The following TBC1D22A variants were observed in gnomAD, a reference collection of about 807,000 sequenced individuals.
TBC1D22A encodes the protein TBC1 domain family member 22A, also known as putative GTPase activator.
Under a neutral mutation model 60.2 loss-of-function variants are expected in TBC1D22A, and 38 were observed. That is an observed-to-expected ratio of 0.63 (90% CI 0.49 to 0.83). The LOEUF (loss-of-function observed/expected upper bound fraction) is 0.83, where lower values mean the gene tolerates loss of function less well. Among genes scored for constraint, TBC1D22A ranks in the 40% least tolerant of loss-of-function variants. The pLI is 0.00. For missense variants in TBC1D22A, 628 were observed against 701.0 expected (o/e 0.90, Z 1.18); for synonymous variants, 302 against 281.7 (o/e 1.07, Z -0.72).
intron 2 of TBC1D22A, among the ~76,000 whole-genome samples, chr22:46,793,264 C>A (rs955988876): frequency 6.6e-6 from 1 of 152,200 alleles, no homozygotes; most frequent in African/African-American, 2.4e-5. Flanking sequence ...TGTGGCCCTG[C>A]GCCTCCTCCC....
At chr22:46,764,129 T>C (rs2083204714) in intron 1 of TBC1D22A, 1 of 151,808 alleles carries the variant, frequency 6.6e-6, no homozygotes, top group African/African-American at 2.4e-5. Context: ...TTAAGAGTGA[T>C]CTGGGGGTTA....
In TBC1D22A at chr22:47,102,351, C is replaced by T. The variant is rs145918317; in HGVS notation, c.1330-9157C>T. On this transcript the variant is annotated intron_variant, in intron 11 of 12. Transcript: ENST00000337137. ...GGCTTCTCCACGCCACAGCCTCCTC[C>T]TGCTTGACCCACCCCAGGCGTGTGC... Among the ~76,000 whole-genome samples, 968 of 152,280 alleles carry T rather than the reference C, an allele frequency of 6.4e-3. 12 individuals carry two copies. Among genetic ancestry groups the T allele is most frequent in the African/African-American group, 0.022 (935 of 41,556 alleles).
chr22:47,089,661 T>C (rs1417701090), intron 11 of TBC1D22A, among the ~76,000 whole-genome samples: 2 of 152,224 alleles, frequency 1.3e-5, no homozygotes. Context: ...TTTGACTGTC[T>C]TAAAGATCCT....
chr22:47,098,880 G>C, intron 11 of TBC1D22A, among the ~76,000 whole-genome samples: 1 of 152,240 alleles, frequency 6.6e-6, no homozygotes, highest in East Asian at 1.9e-4. Flanking sequence ...CCTCCTGTGA[G>C]GACAGGAGCC....
chr22:46,795,750 G>A (rs2084624746), intron 3 of TBC1D22A, among the ~76,000 whole-genome samples: 1 of 152,228 alleles, frequency 6.6e-6, no homozygotes, highest in Admixed American at 6.5e-5. Context: ...ACTAGGACAT[G>A]GACTTATGGG....
intron 7 of TBC1D22A, among the ~76,000 whole-genome samples, chr22:46,904,133 A>ATCTG (rs2069236703): frequency 1.4e-5 from 1 of 73,510 alleles, no homozygotes; most frequent in Non-Finnish European, 3.0e-5. Context: ...CTATCTATCT[A>ATCTG]TCTATCTATC....
At chr22:46,896,202 C>G (rs1185259465) in intron 7 of TBC1D22A, among the ~76,000 whole-genome samples, 1 of 152,120 alleles carries the variant, frequency 6.6e-6, no homozygotes, top group Non-Finnish European at 1.5e-5. Context: ...GCCCATTTTT[C>G]TTTTGGTTTG....
intron 10 of TBC1D22A, among the ~76,000 whole-genome samples, chr22:46,998,061 C>T (rs1440248554): frequency 2.6e-5 from 4 of 152,082 alleles, no homozygotes; most frequent in Non-Finnish European, 4.4e-5. Flanking sequence ...CATCATTTTT[C>T]TATCAAGGAT....
chr22:46,995,513 T>TTATG (rs1555989107), intron 9 of TBC1D22A, among the ~76,000 whole-genome samples: 3 of 151,096 alleles, frequency 2.0e-5, no homozygotes, highest in African/African-American at 7.3e-5. Context: ...TGCACGCACT[T>TTATG]TGTGTGTGTG....
At chr22:46,918,486 C>T (rs2070528980) in intron 8 of TBC1D22A, among the ~76,000 whole-genome samples, 1 of 152,058 alleles carries the variant, frequency 6.6e-6, no homozygotes, top group African/African-American at 2.4e-5. Flanking sequence ...CCAGTGTGTG[C>T]CCCGGGGAGA....
intron 9 of TBC1D22A, among the ~76,000 whole-genome samples, chr22:46,994,363 G>A (rs952738326): frequency 8.3e-6 from 1 of 121,168 alleles, no homozygotes; most frequent in Non-Finnish European, 1.7e-5. Context: ...ACCTGCTGTG[G>A]AGCCTCTTGA....
intron 4 of TBC1D22A, among the ~76,000 whole-genome samples, chr22:46,869,904 A>G (rs187781329): frequency 3.3e-5 from 5 of 152,356 alleles, no homozygotes; most frequent in African/African-American, 4.8e-5. Context: ...AGTTCTTTGC[A>G]TACACCACTT....
At chr22:46,847,988 C>T (rs771689557) in intron 4 of TBC1D22A, among the ~76,000 whole-genome samples, 5 of 151,332 alleles carry the variant, frequency 3.3e-5, no homozygotes, top group East Asian at 2.0e-4. Context: ...AGTAAATACC[C>T]GGAGGGAAGA....
At chr22:46,891,136 G>T in intron 5 of TBC1D22A, 130 bp from the exon 6 acceptor site, 2 of 1,016,116 alleles carry the variant, frequency 2.0e-6, no homozygotes, top group South Asian at 2.0e-5. Flanking sequence ...CACAATTTGT[G>T]CTCCTCTCTG....
At chr22:47,039,704 G>GAAAAAAAAAAA (rs34793078) in intron 11 of TBC1D22A, among the ~76,000 whole-genome samples, 1 of 81,456 alleles carries the variant, frequency 1.2e-5, no homozygotes, top group Non-Finnish European at 2.2e-5. Context: ...TGCATTTCAG[G>GAAAAAAAAAAA]AAAAAAAAAA....
chr22:47,051,704 C>T (rs1016515344), intron 11 of TBC1D22A, among the ~76,000 whole-genome samples: 1 of 152,196 alleles, frequency 6.6e-6, no homozygotes, highest in African/African-American at 2.4e-5. Context: ...GGGGTGGGGG[C>T]AGCCGGCACC....
chr22:46,807,732 CT>C (rs933477528), intron 4 of TBC1D22A, among the ~76,000 whole-genome samples: 17 of 152,224 alleles, frequency 1.1e-4, no homozygotes, highest in African/African-American at 3.9e-4. Flanking sequence ...GCAACAATCA[CT>C]TGATTTAATC....
chr22:46,841,050 G>GTGTGTC (rs59786919), intron 4 of TBC1D22A, among the ~76,000 whole-genome samples: 2 of 147,888 alleles, frequency 1.4e-5, no homozygotes. Context: ...GAAAATGGGT[G>GTGTGTC]TGTGTGTGTG....
chr22:46,968,070 TGTG>T (rs1272598871), intron 8 of TBC1D22A, among the ~76,000 whole-genome samples: 1 of 152,178 alleles, frequency 6.6e-6, no homozygotes, highest in East Asian at 1.9e-4. Flanking sequence ...TGGGTGGCCT[TGTG>T]GTGACGGGCT....
Sources: allele counts gnomAD v4.1 joint callset (sites outside exome capture counted in the v4.1 genomes callset), GRCh38; gene constraint gnomAD v4.1.1; transcripts MANE v1.5; gene names NCBI Gene and HGNC (gene_info 2026-07-23, HGNC 2026-07-21).